KCTD15: variants seen among roughly 807,000 people sequenced by gnomAD.
The protein encoded by KCTD15 is BTB/POZ domain-containing protein KCTD15.
In KCTD15, 11 loss-of-function variants were observed where a neutral mutation model predicts 27.2. The ratio of observed to expected loss-of-function variants is 0.41; its 90% CI spans 0.25 to 0.67. The LOEUF is 0.67. KCTD15 is among the 30% of genes least tolerant of loss of function. The pLI, the probability that KCTD15 is intolerant of heterozygous loss-of-function variation, is 0.35. For synonymous variants in KCTD15, 163 were observed against 176.0 expected (o/e 0.93, Z 0.58); for missense variants, 350 against 409.3 (o/e 0.86, Z 1.25).
chr19:33,811,222 C>T, intron 5 of KCTD15, 25 bp from the exon 6 acceptor site: 1 of 993,524 alleles, frequency 1.0e-6, no homozygotes, highest in South Asian at 1.5e-5. Flanking sequence ...ACACCCACAT[C>T]AACACCCTGT....
intron 5 of KCTD15, among the ~76,000 whole-genome samples, chr19:33,808,053 G>A (rs535761301): frequency 6.6e-6 from 1 of 152,366 alleles, no homozygotes; most frequent in East Asian, 1.9e-4. Flanking sequence ...GTCTCCGGGT[G>A]AGCCCGTCAG....
Position 33,813,067 on chromosome 19 carries a change from C to A in KCTD15, c.*119C>A. On this transcript the variant is annotated 3_prime_UTR_variant, in exon 7 of 7. Coordinates refer to ENST00000683859, the MANE Select transcript of KCTD15 (RefSeq NM_001129994.2). Reference sequence around the variant, plus strand: ...GAGGGTGAGGCTGGAGGGTCCAAAGCTGGCCCAGCGAGCACCAGGGTCCCA... The same window carrying A: ...GAGGGTGAGGCTGGAGGGTCCAAAGATGGCCCAGCGAGCACCAGGGTCCCA... 1 of 1,093,826 alleles carries A rather than the reference C, an allele frequency of 9.1e-7. No individual in the cohort carries two copies. Among genetic ancestry groups the A allele is most frequent in the Non-Finnish European group, 1.3e-6 (1 of 756,414 alleles). 67.8% of individuals were successfully genotyped at this position (1,093,826 alleles called of 1,614,324 possible).
chr19:33,807,130 C>G, intron 5 of KCTD15, 123 bp downstream of exon 5: 2 of 1,194,438 alleles, frequency 1.7e-6, no homozygotes, highest in Non-Finnish European at 1.2e-6. Flanking sequence ...ACGATGAAGC[C>G]GAGGGCTAAA....
At chr19:33,794,098 G>A (rs1313073494), upstream of KCTD15, among the ~76,000 whole-genome samples, 1 of 152,050 alleles carries the variant, frequency 6.6e-6, no homozygotes, top group Non-Finnish European at 1.5e-5. Flanking sequence ...AAAACACGTA[G>A]GAATTTAAAA....
upstream of KCTD15, among the ~76,000 whole-genome samples, chr19:33,795,495 G>T (rs1975293101): frequency 6.6e-6 from 1 of 151,916 alleles, no homozygotes; most frequent in South Asian, 2.1e-4. Context: ...CGGAGCCGGC[G>T]GTCGGGACCC....
Position 33,814,830 on chromosome 19 carries a change from G to A in KCTD15, c.*1882G>A, listed in dbSNP as rs1222715162. The stretch of plus-strand genomic sequence containing the variant: ...AGAACCATTTTACCTGCCCTCTAAG[G>A]GCCACCAGCTTCGACCTGCCTCAGG... On this transcript the variant is annotated 3_prime_UTR_variant, in exon 7 of 7. Coordinates refer to ENST00000683859, the MANE Select transcript of KCTD15 (RefSeq NM_001129994.2). The A allele has an allele frequency of 6.6e-6, 1 of 152,170 alleles. No homozygotes were observed. The highest frequency in any genetic ancestry group is 1.5e-5 in the Non-Finnish European group (1 of 68,072). The allele number at this position is 152,170 out of a possible 1,614,324, so 9.4% of individuals were successfully genotyped here. A position where few individuals can be genotyped will look rare whatever the true frequency, so the allele number is the denominator to read the frequency against.
rs1466549153 is a variant in KCTD15 at position 33,814,237 on chromosome 19, A to T, written c.*1289A>T. ...GTCCATGCCATAAATGATGCTCTCA[A>T]GCAAAAGACTGGAGGCTCTGTCCTG... On this transcript the variant is annotated 3_prime_UTR_variant, in exon 7 of 7. Coordinates refer to ENST00000683859, the MANE Select transcript of KCTD15 (RefSeq NM_001129994.2). The T allele has an allele frequency of 2.0e-5, 3 of 152,634 alleles. No individual in the cohort carries two copies. The highest frequency in any genetic ancestry group is 3.8e-4 in the East Asian group (2 of 5,202). 9.5% of individuals were successfully genotyped at this position (152,634 alleles called of 1,614,324 possible).
Position 33,796,908 on chromosome 19 carries a change from G to C in KCTD15, c.-206G>C, listed in dbSNP as rs1165294904. On this transcript the variant is annotated 5_prime_UTR_variant, in exon 1 of 7. Transcript: ENST00000683859. ...AGCGACCCGCGCAGCGAGCATAGGC[G>C]GCGAAGCTGCGCCCGGCGCCCGAGA... is the stretch of plus-strand genomic sequence containing the variant. The C allele has an allele frequency of 6.6e-6, 1 of 152,046 alleles. No homozygotes were observed. The highest frequency in any genetic ancestry group is 6.5e-5 in the Admixed American group (1 of 15,272). The allele number at this position is 152,046 out of a possible 1,614,324, so 9.4% of individuals were successfully genotyped here.
At position 33,812,852 on chromosome 19, in the gene KCTD15, C is replaced by G; in HGVS notation, c.756C>G (p.Asp252Glu). ...CTGCGTCCTGTGGGGGCGGTGTGGA[C>G]TCCTCCCAGTTCAGCGAGTATGTGC... ...SVAASCGGGVDSSQFSEYVLC... is the reference protein window; with the variant it reads ...SVAASCGGGVESSQFSEYVLC... Residue 252 changes from aspartate to glutamate, a missense_variant, in exon 7 of 7, where the codon GAC becomes GAG. Coordinates refer to ENST00000683859, the MANE Select transcript of KCTD15 (RefSeq NM_001129994.2). 1 of 1,541,444 alleles carries G rather than the reference C, an allele frequency of 6.5e-7. No homozygotes were observed. Among genetic ancestry groups the G allele is most frequent in the Non-Finnish European group, 8.8e-7 (1 of 1,141,926 alleles).
intron 5 of KCTD15, among the ~76,000 whole-genome samples, chr19:33,807,811 G>C (rs1241235707): frequency 6.6e-6 from 1 of 152,076 alleles, no homozygotes; most frequent in African/African-American, 2.4e-5. Flanking sequence ...ATGGTGACAG[G>C]TGCCTGTAAT....
chr19:33,812,116 G>A, intron 6 of KCTD15: 2 of 1,291,694 alleles, frequency 1.5e-6, no homozygotes, highest in South Asian at 4.5e-5. Context: ...AATGGGCTTT[G>A]CAGGGAAGAG....
intron 1 of KCTD15, chr19:33,798,327 A>G (rs1054538378): frequency 2.6e-5 from 4 of 152,256 alleles, no homozygotes; most frequent in African/African-American, 4.8e-5. Flanking sequence ...GCCGCAGCTC[A>G]GCCAGTTTAA....
intron 3 of KCTD15, 41 bp downstream of exon 3, chr19:33,800,561 C>T: frequency 6.5e-7 from 1 of 1,536,976 alleles, no homozygotes; most frequent in South Asian, 1.2e-5. Flanking sequence ...CGGGAGTTCC[C>T]TCTTTCCCTT....
chr19:33,794,465 T>C (rs535112599), upstream of KCTD15, among the ~76,000 whole-genome samples: 9 of 152,312 alleles, frequency 5.9e-5, no homozygotes, highest in East Asian at 1.9e-4. Flanking sequence ...TTCACCCAGA[T>C]TGAACACGAA....
chr19:33,796,494 C>G (rs968823042), upstream of KCTD15: 4 of 150,322 alleles, frequency 2.7e-5, no homozygotes, highest in Non-Finnish European at 5.9e-5. Context: ...AGCCCCGAGC[C>G]AGGAGTCGCC....
chr19:33,810,573 G>A (rs1184874289), intron 5 of KCTD15, among the ~76,000 whole-genome samples: 2 of 151,956 alleles, frequency 1.3e-5, no homozygotes, highest in Non-Finnish European at 2.9e-5. Context: ...CCAGCTACTC[G>A]GGAGGCTGAG....
chr19:33,803,508 C>T (rs1221129018), intron 4 of KCTD15, among the ~76,000 whole-genome samples: 1 of 152,068 alleles, frequency 6.6e-6, no homozygotes, highest in Non-Finnish European at 1.5e-5. Flanking sequence ...GACCTCTACC[C>T]TCGGCTCCCC....
intron 2 of KCTD15, among the ~76,000 whole-genome samples, chr19:33,799,439 G>T (rs539287779): frequency 6.6e-6 from 1 of 152,338 alleles, no homozygotes; most frequent in Admixed American, 6.5e-5. Flanking sequence ...ATGTGTGAAG[G>T]GGGGTGACTA....
At chr19:33,801,477 C>A in intron 4 of KCTD15, 135 bp downstream of exon 4, 1 of 713,248 alleles carries the variant, frequency 1.4e-6, no homozygotes, top group Non-Finnish European at 2.2e-6. Context: ...GCTGACACAG[C>A]CTGAGGGAGC....
Sources: gnomAD v4.1 joint callset for allele counts (sites outside exome capture counted in the v4.1 genomes callset) on GRCh38, gnomAD v4.1.1 for gene constraint, MANE v1.5 for transcripts, NCBI Gene and HGNC (gene_info 2026-07-23, HGNC 2026-07-21) for gene names.